The following RCC2 variants were observed in gnomAD, a reference collection of about 807,000 sequenced individuals.
RCC2 encodes regulator of chromosome condensation 2.
A neutral mutation model predicts 64.1 loss-of-function variants in RCC2; 19 were observed. The ratio of observed to expected loss-of-function variants is 0.30; its 90% CI spans 0.21 to 0.44. The LOEUF (loss-of-function observed/expected upper bound fraction) is 0.44, where lower values mean the gene tolerates loss of function less well. Among genes scored for constraint, RCC2 ranks in the 20% least tolerant of loss-of-function variants. The probability of loss-of-function intolerance (pLI) is 1.00; values close to 1 mark genes in which losing one functional copy is unlikely to be tolerated. For missense variants in RCC2, 508 were observed against 710.4 expected (o/e 0.72, Z 3.24); for synonymous variants, 325 against 279.6 (o/e 1.16, Z -1.62).
chr1:17,419,565 A>C (rs1034495707), intron 7 of RCC2, among the ~76,000 whole-genome samples: 10 of 152,234 alleles, frequency 6.6e-5, no homozygotes, highest in African/African-American at 2.4e-4. Context: ...AATCAAGCCG[A>C]TTTCCAAACT....
Position 17,422,955 on chromosome 1 carries a change from C to T in RCC2, c.524-119G>A, listed in dbSNP as rs1040886582. On this transcript the variant is annotated intron_variant, in intron 4 of 12. Transcript: ENST00000375436. Reference sequence around the variant, plus strand: ...CCCATCTGTCTCTGGAAGGTACCCTCCAAATTCCCAACAGCCAAGATCCAG... The same window carrying T: ...CCCATCTGTCTCTGGAAGGTACCCTTCAAATTCCCAACAGCCAAGATCCAG... The T allele has an allele frequency of 4.2e-6, 5 of 1,198,870 alleles. No homozygotes were observed. The African/African-American group carries it at 1.4e-4, about 35-fold the overall frequency. 74.3% of individuals were successfully genotyped at this position (1,198,870 alleles called of 1,614,324 possible).
chr1:17,429,158 A>G lies in RCC2; in HGVS notation c.327T>C (p.Phe109=), dbSNP rs753749647. The change falls in exon 3 of 13, where the codon TTT becomes TTC. Residue 109 remains phenylalanine, a synonymous_variant. Transcript: ENST00000375436. ...GSKCKGQLLI[F]GATNWDLIGR... ...CAATCAAGTCCCAGTTGGTTGCCCC[A>G]AAAATCAAAAGCTGCCCTTTGCACT... The G allele has an allele frequency of 6.2e-7, 1 of 1,614,196 alleles. No homozygotes were observed.
Position 17,422,802 on chromosome 1 carries a change from G to A in RCC2, c.558C>T (p.Asp186=). The change falls in exon 5 of 13, where the codon GAC becomes GAT. Residue 186 remains aspartate, a synonymous_variant. Coordinates refer to ENST00000375436, the MANE Select transcript of RCC2 (RefSeq NM_018715.4). ...GTCTAGGGGCTTCTACTCTCTTGGT[G>A]TCACCATGTCCCAGCTGCCCCTTCT... ...RNEKGQLGHG[D]TKRVEAPRLI... 1 of 1,614,196 alleles carries A rather than the reference G, an allele frequency of 6.2e-7. No homozygotes were observed. Among genetic ancestry groups the A allele is most frequent in the Non-Finnish European group, 8.5e-7 (1 of 1,180,040 alleles).
rs2075378787 is a variant in RCC2, at chr1:17,407,844, A to G, written c.*1246T>C. On this transcript the variant is annotated 3_prime_UTR_variant, in exon 13 of 13. Transcript: ENST00000375436. The stretch of plus-strand genomic sequence containing the variant: ...TTTTAAAGCACCCAAACCAGTCCAG[A>G]CCCTCTGGAAACCAAGAGCCCCAGC... 1 of 152,516 alleles carries G rather than the reference A, an allele frequency of 6.6e-6. No individual in the cohort carries two copies. Among genetic ancestry groups the G allele is most frequent in the Non-Finnish European group, 1.5e-5 (1 of 68,034 alleles). The allele number at this position is 152,516 out of a possible 1,614,324, so 9.4% of individuals were successfully genotyped here.
intron 9 of RCC2, among the ~76,000 whole-genome samples, 174 bp from the exon 10 acceptor site, chr1:17,413,352 T>C (rs1187731450): frequency 6.6e-6 from 1 of 152,104 alleles, no homozygotes; most frequent in African/African-American, 2.4e-5. Flanking sequence ...CAGGACGCTG[T>C]GGTGGTAGGA....
chr1:17,425,511 C>G, intron 4 of RCC2, 30 bp downstream of exon 4: 1 of 1,563,226 alleles, frequency 6.4e-7, no homozygotes, highest in Non-Finnish European at 8.7e-7. Context: ...GACAGTGGTC[C>G]CCAGTGCCCA....
At chr1:17,426,380 C>T (rs1378501411) in intron 3 of RCC2, among the ~76,000 whole-genome samples, 1 of 152,166 alleles carries the variant, frequency 6.6e-6, no homozygotes, top group Non-Finnish European at 1.5e-5. Context: ...CCCTGACACC[C>T]ACCCATATAT....
intron 3 of RCC2, among the ~76,000 whole-genome samples, chr1:17,426,526 C>CCAGCTCTGCT (rs1570196249): frequency 6.6e-6 from 1 of 152,178 alleles, no homozygotes; most frequent in Non-Finnish European, 1.5e-5. Context: ...CTCCCCTGCC[C>CCAGCTCTGCT]CAGCTCTGCT....
At position 17,408,506 on chromosome 1, in the gene RCC2, G is replaced by T; in HGVS notation, c.*584C>A. 6.5e-6 allele frequency: 1 copy of T among 153,058 alleles called. No homozygotes were observed. Among genetic ancestry groups the T allele is most frequent in the Non-Finnish European group, 1.5e-5 (1 of 68,592 alleles). The allele number at this position is 153,058 out of a possible 1,614,324, so 9.5% of individuals were successfully genotyped here. A position where few individuals can be genotyped will look rare whatever the true frequency, so the allele number is the denominator to read the frequency against. ...ATGTCGCAGCCAGAAGGCTGTGGGC[G>T]TACAGGCAGCCAAGGGGAGAAACAG... On this transcript the variant is annotated 3_prime_UTR_variant, in exon 13 of 13. Transcript: ENST00000375436.
chr1:17,425,532 G>A lies in RCC2; in HGVS notation c.523+9C>T, dbSNP rs546649570. On this transcript the variant is annotated intron_variant, in intron 4 of 12. Coordinates refer to ENST00000375436, the MANE Select transcript of RCC2 (RefSeq NM_018715.4). The stretch of plus-strand genomic sequence containing the variant: ...GGTCCCCAGTGCCCAGCACCCGCAC[G>A]GTACTCACCCCAGCTCCACAGCTTC... The A allele has an allele frequency of 1.3e-5, 20 of 1,598,902 alleles. No individual in the cohort carries two copies. Among genetic ancestry groups the A allele is most frequent in the African/African-American group, 6.7e-5 (5 of 74,672 alleles).
chr1:17,420,642 G>T, intron 7 of RCC2, 72 bp downstream of exon 7: 1 of 946,768 alleles, frequency 1.1e-6, no homozygotes, highest in Non-Finnish European at 1.6e-6. Flanking sequence ...CGTGTGTGCA[G>T]CCCCACACTG....
chr1:17,420,898 T>C, intron 6 of RCC2, 70 bp from the exon 7 acceptor site: 1 of 1,004,074 alleles, frequency 1.0e-6, no homozygotes, highest in African/African-American at 1.6e-5. Context: ...TCTCTGCATG[T>C]TGGTGGGAAA....
intron 2 of RCC2, among the ~76,000 whole-genome samples, chr1:17,436,746 G>C (rs1365425097): frequency 6.6e-6 from 1 of 152,168 alleles, no homozygotes; most frequent in Non-Finnish European, 1.5e-5. Context: ...ACACAATCTT[G>C]CTTTTGGAAA....
chr1:17,419,443 CAT>C (rs1237229951), intron 7 of RCC2, among the ~76,000 whole-genome samples: 3 of 152,188 alleles, frequency 2.0e-5, no homozygotes, highest in African/African-American at 7.2e-5. Context: ...GAGACACGGC[CAT>C]AGTCGGATTT....
intron 6 of RCC2, among the ~76,000 whole-genome samples, chr1:17,421,780 C>A (rs2075558269): frequency 6.6e-6 from 1 of 152,166 alleles, no homozygotes; most frequent in Admixed American, 6.5e-5. Flanking sequence ...AATCCCAGTA[C>A]TTTGGGAGGC....
chr1:17,421,544 G>C (rs981000054), intron 6 of RCC2, among the ~76,000 whole-genome samples: 1 of 151,984 alleles, frequency 6.6e-6, no homozygotes, highest in Admixed American at 6.6e-5. Flanking sequence ...CTAAGCATCT[G>C]GCTGGTGACT....
chr1:17,412,980 C>A (rs2075443235), intron 10 of RCC2, 93 bp downstream of exon 10: 1 of 885,994 alleles, frequency 1.1e-6, no homozygotes, highest in African/African-American at 1.7e-5. Context: ...GCAGCAGAAA[C>A]AGAGCCCCAT....
chr1:17,426,952 G>A (rs991969357), intron 3 of RCC2, among the ~76,000 whole-genome samples: 5 of 151,838 alleles, frequency 3.3e-5, no homozygotes, highest in African/African-American at 1.2e-4. Flanking sequence ...TAGTAGAGAG[G>A]GTTTCACCAT....
intron 2 of RCC2, among the ~76,000 whole-genome samples, chr1:17,434,609 T>C (rs2075716736): frequency 6.6e-6 from 1 of 152,154 alleles, no homozygotes; most frequent in Non-Finnish European, 1.5e-5. Context: ...TAGAGGCTAG[T>C]TGGTCAGAAG....
Sources: gnomAD v4.1 joint callset for allele counts (sites outside exome capture counted in the v4.1 genomes callset) on GRCh38, gnomAD v4.1.1 for gene constraint, MANE v1.5 for transcripts, NCBI Gene and HGNC (gene_info 2026-07-23, HGNC 2026-07-21) for gene names.